SHANK2: variants seen among roughly 807,000 people sequenced by gnomAD.
SHANK2 encodes the protein SH3 and multiple ankyrin repeat domains 2, also known as SH3 and multiple ankyrin repeat domains protein 2.
In SHANK2, 43 loss-of-function variants were observed where a neutral mutation model predicts 133.7. That is an observed-to-expected ratio of 0.32 (90% confidence interval 0.25 to 0.41). The LOEUF (loss-of-function observed/expected upper bound fraction) is 0.41. Ranked by LOEUF, SHANK2 falls within the 10% of genes least tolerant of loss-of-function variation. The pLI is 1.00. For missense variants in SHANK2, 1,994 were observed against 2,235.8 expected (o/e 0.89, Z 2.18); for synonymous variants, 1,017 against 952.8 (o/e 1.07, Z -1.24).
chr11:70,827,440 C>A (rs1948659980), intron 11 of SHANK2, among the ~76,000 whole-genome samples: 1 of 151,858 alleles, frequency 6.6e-6, no homozygotes, highest in Admixed American at 6.6e-5. Flanking sequence ...CCTTGGAAGC[C>A]CTACATGGAG....
chr11:70,594,275 C>T (rs368842886), intron 17 of SHANK2, among the ~76,000 whole-genome samples: 13 of 152,302 alleles, frequency 8.5e-5, no homozygotes, highest in South Asian at 6.2e-4. Flanking sequence ...ATGCCAAACA[C>T]GAAAGATCGC....
intron 14 of SHANK2, among the ~76,000 whole-genome samples, chr11:70,796,127 C>T (rs1271703425): frequency 6.6e-6 from 1 of 152,214 alleles, no homozygotes; most frequent in Non-Finnish European, 1.5e-5. Flanking sequence ...CTCCACCTCG[C>T]CCACCTGCCC....
intron 2 of SHANK2, among the ~76,000 whole-genome samples, chr11:71,149,567 A>ACT (rs34350215): frequency 0.63 from 94,935 of 151,274 alleles, 30,903 homozygotes; most frequent in African/African-American, 0.79. Context: ...TTCTCTTGCG[A>ACT]CTGTCTTATG....
intron 9 of SHANK2, among the ~76,000 whole-genome samples, chr11:71,065,432 G>A (rs1951038492): frequency 2.8e-5 from 4 of 143,888 alleles, no homozygotes; most frequent in East Asian, 2.1e-4. Context: ...ACTCTTCCAG[G>A]GAGATGAGCA....
chr11:70,928,973 G>T (rs1555082068), intron 10 of SHANK2, among the ~76,000 whole-genome samples: 1 of 152,164 alleles, frequency 6.6e-6, no homozygotes, highest in Non-Finnish European at 1.5e-5. Flanking sequence ...GCAGACCCTG[G>T]GGGAGTGCAG....
chr11:70,952,182 C>T (rs954162454), intron 10 of SHANK2, among the ~76,000 whole-genome samples: 11 of 152,234 alleles, frequency 7.2e-5, no homozygotes, highest in Admixed American at 3.9e-4. Flanking sequence ...TGCTAGGCCC[C>T]TGCTGTGCCG....
chr11:70,566,361 C>T (rs2059968188), intron 17 of SHANK2: 1 of 152,194 alleles, frequency 6.6e-6, no homozygotes, highest in South Asian at 2.1e-4. Flanking sequence ...GACCACACTT[C>T]CCTGACTTTA....
intron 17 of SHANK2, among the ~76,000 whole-genome samples, chr11:70,572,133 C>G (rs536367925): frequency 6.6e-6 from 1 of 152,354 alleles, no homozygotes; most frequent in African/African-American, 2.4e-5. Context: ...TATTCTCAGG[C>G]TTCAGCCTCC....
At chr11:71,059,718 G>A (rs1320975209) in intron 9 of SHANK2, among the ~76,000 whole-genome samples, 1 of 152,212 alleles carries the variant, frequency 6.6e-6, no homozygotes, top group Non-Finnish European at 1.5e-5. Context: ...AAGAGTGTGG[G>A]CTGCGCTCAC....
At chr11:70,850,877 C>T (rs1482350710) in intron 11 of SHANK2, among the ~76,000 whole-genome samples, 3 of 152,222 alleles carry the variant, frequency 2.0e-5, no homozygotes, top group Non-Finnish European at 4.4e-5. Context: ...TGCTGCTGGG[C>T]TCTGCAGCCC....
At chr11:70,906,649 G>A (rs782759878) in intron 10 of SHANK2, among the ~76,000 whole-genome samples, 1 of 152,196 alleles carries the variant, frequency 6.6e-6, no homozygotes, top group Admixed American at 6.5e-5. Context: ...GGATGTCCCC[G>A]TCTTTGTTTC....
At chr11:71,152,393 C>T (rs1210164267) in intron 2 of SHANK2, among the ~76,000 whole-genome samples, 3 of 152,200 alleles carry the variant, frequency 2.0e-5, no homozygotes, top group Non-Finnish European at 4.4e-5. Context: ...GGATTACAGG[C>T]GTGAGCCACC....
At chr11:70,842,591 C>A (rs1948923823) in intron 11 of SHANK2, among the ~76,000 whole-genome samples, 1 of 152,222 alleles carries the variant, frequency 6.6e-6, no homozygotes, top group African/African-American at 2.4e-5. Flanking sequence ...CAGCCCTGCA[C>A]CGTGAGCTCC....
intron 17 of SHANK2, among the ~76,000 whole-genome samples, chr11:70,576,431 G>A (rs542456156): frequency 1.3e-5 from 2 of 152,246 alleles, no homozygotes; most frequent in African/African-American, 4.8e-5. Flanking sequence ...TCAGGAGATC[G>A]AGACCATCCT....
At chr11:70,701,269 T>A (rs1945513076) in intron 14 of SHANK2, among the ~76,000 whole-genome samples, 1 of 152,174 alleles carries the variant, frequency 6.6e-6, no homozygotes, top group Non-Finnish European at 1.5e-5. Context: ...TGGAGTTTCA[T>A]GGACCAACAA....
At chr11:70,838,681 C>A (rs1948859684) in intron 11 of SHANK2, among the ~76,000 whole-genome samples, 1 of 152,142 alleles carries the variant, frequency 6.6e-6, no homozygotes, top group Admixed American at 6.5e-5. Flanking sequence ...GAAGTCTCCC[C>A]AAGGCACTTG....
At chr11:71,247,292 A>C (rs1343161229) in intron 1 of SHANK2, among the ~76,000 whole-genome samples, 1 of 152,228 alleles carries the variant, frequency 6.6e-6, no homozygotes, top group Non-Finnish European at 1.5e-5. Flanking sequence ...GAGGTACCGT[A>C]GCCTTTACAA....
rs564823882 is a variant in SHANK2, at chr11:70,659,427, C to T, written c.2061+401G>A. On this transcript the variant is annotated intron_variant, in intron 17 of 25. Transcript: ENST00000601538. ...AGACCTCACGCCAGCAACTGCCACA[C>T]AAGAGTGGTTGCCGACTCACCCATA... Among the ~76,000 whole-genome samples, 4 of 152,298 alleles carry T rather than the reference C, an allele frequency of 2.6e-5. No individual in the cohort carries two copies. The East Asian group carries it at 5.8e-4, about 22-fold the overall frequency.
chr11:70,537,212 C>T (rs1217559116), intron 17 of SHANK2, among the ~76,000 whole-genome samples: 8 of 152,262 alleles, frequency 5.3e-5, no homozygotes, highest in South Asian at 2.1e-4. Context: ...GCCTGAGAAG[C>T]GGAGGAGGGA....
Sources: allele counts gnomAD v4.1 joint callset (sites outside exome capture counted in the v4.1 genomes callset), GRCh38; gene constraint gnomAD v4.1.1; transcripts MANE v1.5; gene names NCBI Gene and HGNC (gene_info 2026-07-23, HGNC 2026-07-21).